Variants in CHRNA2 observed in about 807,000 individuals in gnomAD.
CHRNA2 encodes cholinergic receptor nicotinic alpha 2 subunit, also known as neuronal acetylcholine receptor subunit alpha-2.
In CHRNA2, 40 loss-of-function variants were observed where a neutral mutation model predicts 45.5. The ratio of observed to expected loss-of-function variants is 0.88; its 90% CI spans 0.68 to 1.15. The LOEUF is 1.15. Ranked by LOEUF, CHRNA2 falls within the 50% of genes most tolerant of loss-of-function variation. The pLI is 0.00. For synonymous variants in CHRNA2, 301 were observed against 296.7 expected, an observed-to-expected ratio of 1.01 and a Z score of -0.15; for missense variants, 655 against 701.7, an observed-to-expected ratio of 0.93 and a Z score of 0.75.
Position 27,463,756 on chromosome 8 carries a change from G to T in CHRNA2, c.687C>A (p.Gly229=). ...TVDLKDYWES[G]EWAIVNATGT... is the part of the protein sequence containing the mutation. ...CCGTGGCATTGACGATGGCCCACTC[G>T]CCGCTCTCCCAGTAGTCCTTCAGGT... The change falls in exon 6 of 7, where the codon GGC becomes GGA. Residue 229 remains glycine (G), a synonymous_variant. Coordinates refer to ENST00000407991, the MANE Select transcript of CHRNA2 (RefSeq NM_000742.4). This position sits in a 1 kb window ranked among gnomAD's most constrained non-coding sequence, Gnocchi z 6.1. 1 of 1,614,084 alleles carries T rather than the reference G, an allele frequency of 6.2e-7. No homozygotes were observed. The highest frequency in any genetic ancestry group is 8.5e-7 in the Non-Finnish European group (1 of 1,179,998).
chr8:27,463,993 A>C lies in CHRNA2; in HGVS notation c.450T>G (p.Asn150Lys). 1 of 1,614,126 alleles carries C rather than the reference A, an allele frequency of 6.2e-7. No individual in the cohort carries two copies. The highest frequency in any genetic ancestry group is 8.5e-7 in the Non-Finnish European group (1 of 1,180,024). ...GGGTCACTGCAAACTCCCCATCTGC[A>C]CTGAGAAGAGGAGAGGAGCTGGGGA... ...IWIPDIVLYNNADGEFAVTHM... is the reference protein window; with the variant it reads ...IWIPDIVLYNKADGEFAVTHM... Residue 150 changes from asparagine to lysine, a missense_variant and splice_region_variant, in exon 6 of 7, where the codon AAT becomes AAG. Around this residue, in one of 3 missense-constraint regions of CHRNA2, gnomAD observed 323 missense variants for 354.4 expected, o/e 0.91. Transcript: ENST00000407991. The surrounding 1 kb of genome is among the most constrained non-coding windows in gnomAD (Gnocchi z 6.1).
rs1270117413 is a variant in CHRNA2 at position 27,461,903 on chromosome 8, G to A, written c.1465-149C>T. 9 of 1,101,240 alleles carry A rather than the reference G, an allele frequency of 8.2e-6. No homozygotes were observed. In the East Asian group the frequency reaches 2.2e-4, roughly 27 times the overall value. 68.2% of individuals were successfully genotyped at this position (1,101,240 alleles called of 1,614,324 possible). ...GGAGCAAAGGTCAGCACAGGGAGCG[G>A]GGTGAGTGGAAGGGAGGGACGGGCT... is the stretch of plus-strand genomic sequence containing the variant. On this transcript the variant is annotated intron_variant, in intron 6 of 6. Coordinates refer to ENST00000407991, the MANE Select transcript of CHRNA2 (RefSeq NM_000742.4).
rs1057521828 is a variant in CHRNA2, at chr8:27,463,330, C to A, written c.1113G>T (p.Leu371=). 3.7e-6 allele frequency: 6 copies of A among 1,613,798 alleles called. No homozygotes were observed. The highest frequency in any genetic ancestry group is 5.1e-6 in the Non-Finnish European group (6 of 1,179,952). ...TMPHWVRGAL[L]GCVPRWLLMN... is the part of the protein sequence containing the mutation. ...TCAGAAGCCACCGGGGCACACAGCC[C>A]AGAAGGGCCCCCCGCACCCAGTGGG... Residue 371 remains leucine (L), a synonymous_variant, in exon 6 of 7, where the codon CTG becomes CTT. Transcript: ENST00000407991. The surrounding 1 kb of genome is among the most constrained non-coding windows in gnomAD (Gnocchi z 6.1).
chr8:27,461,458 C>G lies in CHRNA2; in HGVS notation c.*171G>C. 1.1e-6 allele frequency: 1 copy of G among 928,818 alleles called. No individual in the cohort carries two copies. The allele number at this position is 928,818 out of a possible 1,614,324, so 57.5% of individuals were successfully genotyped here. On this transcript the variant is annotated 3_prime_UTR_variant, in exon 7 of 7. Transcript: ENST00000407991. ...CTTTGCACCCAGCAGGCTGTCAGCC[C>G]TGGTACAATAACGTTAAGCTGGATG... is the stretch of plus-strand genomic sequence containing the variant.
Position 27,461,231 on chromosome 8 carries a change from C to T in CHRNA2, c.*398G>A. On this transcript the variant is annotated 3_prime_UTR_variant, in exon 7 of 7. Transcript: ENST00000407991. ...CAAAGCCCTTCCACATCCAAGAACCCTCCCCTTTGCCCCCACGGCCCCTCC... is the reference window on the plus strand; with the variant it reads ...CAAAGCCCTTCCACATCCAAGAACCTTCCCCTTTGCCCCCACGGCCCCTCC... 4.3e-6 allele frequency: 1 copy of T among 234,418 alleles called. No homozygotes were observed. Among genetic ancestry groups the T allele is most frequent in the Admixed American group, 4.9e-5 (1 of 20,324 alleles). The allele number at this position is 234,418 out of a possible 1,614,324, so 14.5% of individuals were successfully genotyped here. A position where few individuals can be genotyped will look rare whatever the true frequency, so the allele number is the denominator to read the frequency against.
chr8:27,471,027 AAGGACAGGAACAC>A lies in CHRNA2; in HGVS notation c.19_31del (p.Val7SerfsTer11). The A allele has an allele frequency of 1.9e-6, 3 of 1,614,088 alleles. No individual in the cohort carries two copies. Among genetic ancestry groups the A allele is most frequent in the Non-Finnish European group, 1.7e-6 (2 of 1,179,970 alleles). On this transcript the variant is annotated frameshift_variant, in exon 2 of 7. Coordinates refer to ENST00000407991, the MANE Select transcript of CHRNA2 (RefSeq NM_000742.4). LOFTEE classifies it high-confidence loss of function. The stretch of plus-strand genomic sequence containing the variant: ...GAGCCACCACAGGCTGAGCTTTGTG[AAGGACAGGAACAC>A]AGGACAGGAGGGGCCCATGGCTTCT...
chr8:27,467,247 T>C lies in CHRNA2; in HGVS notation c.431A>G (p.Asp144Gly), dbSNP rs748032811. 5.0e-6 allele frequency: 8 copies of C among 1,613,648 alleles called. No individual in the cohort carries two copies. Among genetic ancestry groups the C allele is most frequent in the Admixed American group, 3.3e-5 (2 of 60,022 alleles). Residue 144 changes from aspartate to glycine, a missense_variant, in exon 5 of 7, where the codon GAC becomes GGC. Asp to Gly is a moderately conservative substitution (Grantham distance 94). Transcript: ENST00000407991. ...RVPSEMIWIP[D>G]IVLYNNADGE... ...TTCCTACTTGTTGTAGAGAACAATG[T>C]CGGGGATCCAGATCATCTCAGAAGG... is the stretch of plus-strand genomic sequence containing the variant.
At chr8:27,473,018 A>T (rs1374590350) in intron 1 of CHRNA2, among the ~76,000 whole-genome samples, 1 of 152,158 alleles carries the variant, frequency 6.6e-6, no homozygotes, top group Non-Finnish European at 1.5e-5. Context: ...TAATTGAGAA[A>T]ATTGGGAAAA....
Position 27,461,709 on chromosome 8 carries a change from A to T in CHRNA2, c.1510T>A (p.Phe504Ile). 6.2e-7 allele frequency: 1 copy of T among 1,614,234 alleles called. No homozygotes were observed. Among genetic ancestry groups the T allele is most frequent in the Non-Finnish European group, 8.5e-7 (1 of 1,180,034 alleles). ...CAGACGATGATAAACAGCCAGAGGA[A>T]GATCCTGTCGATGACCATGGCAACA... ...KYVAMVIDRI[F>I]LWLFIIVCFL... The change falls in exon 7 of 7, where the codon TTC becomes ATC. Residue 504 changes from phenylalanine (F) to isoleucine (I), a missense_variant. Coordinates refer to ENST00000407991, the MANE Select transcript of CHRNA2 (RefSeq NM_000742.4).
At chr8:27,474,573 G>A (rs547366253) in intron 1 of CHRNA2, among the ~76,000 whole-genome samples, 9 of 152,294 alleles carry the variant, frequency 5.9e-5, no homozygotes, top group African/African-American at 2.2e-4. Context: ...AACTGCCCGA[G>A]AGAGCATCCC....
chr8:27,474,193 G>A (rs188818255), intron 1 of CHRNA2, among the ~76,000 whole-genome samples: 133 of 152,292 alleles, frequency 8.7e-4, no homozygotes, highest in African/African-American at 3.1e-3. Flanking sequence ...TTTGGGTCAA[G>A]TAGGAGAAGA....
chr8:27,462,760 A>T (rs911172578), intron 6 of CHRNA2, among the ~76,000 whole-genome samples: 1 of 152,098 alleles, frequency 6.6e-6, no homozygotes, highest in Admixed American at 6.5e-5. Context: ...CTCATGCCTG[A>T]CTCCGTGGTG....
At chr8:27,464,110 C>A in intron 5 of CHRNA2, 117 bp from the exon 6 acceptor site, 3 of 1,208,152 alleles carry the variant, frequency 2.5e-6, no homozygotes, top group Non-Finnish European at 3.6e-6. Context: ...GCCACACTGG[C>A]GGGGTTTATT....
intron 5 of CHRNA2, 54 bp downstream of exon 5, chr8:27,467,175 G>A (rs1348806679): frequency 2.1e-5 from 29 of 1,411,274 alleles, no homozygotes; most frequent in East Asian, 6.8e-5. Context: ...CCATGGACCC[G>A]GCCCCTGCAA....
At chr8:27,472,260 A>G (rs1027447878) in intron 1 of CHRNA2, among the ~76,000 whole-genome samples, 2 of 152,232 alleles carry the variant, frequency 1.3e-5, no homozygotes, top group Non-Finnish European at 2.9e-5. Context: ...GGAGGGGGTC[A>G]TGGGAACCCC....
At chr8:27,464,845 T>C (rs1812648597) in intron 5 of CHRNA2, among the ~76,000 whole-genome samples, 1 of 151,968 alleles carries the variant, frequency 6.6e-6, no homozygotes, top group Non-Finnish European at 1.5e-5. Flanking sequence ...AGAAGAGGAA[T>C]ATGAGAAAAG....
At chr8:27,472,700 G>A (rs1260405098) in intron 1 of CHRNA2, among the ~76,000 whole-genome samples, 3 of 152,214 alleles carry the variant, frequency 2.0e-5, no homozygotes, top group Admixed American at 1.3e-4. Context: ...TTCCCTTAGA[G>A]GGGATAAGAG....
Position 27,463,629 on chromosome 8 carries a change from G to A in CHRNA2, c.814C>T (p.Leu272Phe), listed in dbSNP as rs149774326. 2.5e-6 allele frequency: 4 copies of A among 1,614,106 alleles called. No homozygotes were observed. The highest frequency in any genetic ancestry group is 2.7e-5 in the African/African-American group (2 of 74,936). The change falls in exon 6 of 7, where the codon CTC becomes TTC. Residue 272 changes from leucine to phenylalanine, a missense_variant. Coordinates refer to ENST00000407991, the MANE Select transcript of CHRNA2 (RefSeq NM_000742.4). This position sits in a 1 kb window ranked among gnomAD's most constrained non-coding sequence, Gnocchi z 6.1. Reference sequence around the variant, plus strand: ...GAGATGAGCAGGCAGGGGATGATGAGGTTGATGGTGTAGAAGAGCGGCAGC... The same window carrying A: ...GAGATGAGCAGGCAGGGGATGATGAAGTTGATGGTGTAGAAGAGCGGCAGC... ...RRLPLFYTIN[L>F]IIPCLLISCL... is the part of the protein sequence containing the mutation.
At chr8:27,474,069 G>A (rs747296760) in intron 1 of CHRNA2, among the ~76,000 whole-genome samples, 19 of 152,134 alleles carry the variant, frequency 1.2e-4, no homozygotes, top group African/African-American at 2.7e-4. Flanking sequence ...GGGAGCAAAC[G>A]GGATCACTTG....
Sources: allele counts gnomAD v4.1 joint callset (sites outside exome capture counted in the v4.1 genomes callset), GRCh38; gene constraint gnomAD v4.1.1; regional missense constraint gnomAD v4.1.1; non-coding constraint Gnocchi (gnomAD v3.1); transcripts MANE v1.5; gene names NCBI Gene and HGNC (gene_info 2026-07-23, HGNC 2026-07-21).